The following RIMS1 variants were observed in gnomAD, a reference collection of about 807,000 sequenced individuals.
The protein encoded by RIMS1 is regulating synaptic membrane exocytosis protein 1.
RIMS1 carries 83 observed loss-of-function variants against 214.1 expected under a neutral mutation model. The observed-to-expected ratio is 0.39, with a 90% confidence interval of 0.32 to 0.47. The LOEUF is 0.47. RIMS1 is among the 20% of genes least tolerant of loss of function. RIMS1 has a pLI of 0.99. For synonymous variants in RIMS1, 793 were observed against 786.8 expected (o/e 1.01, Z -0.13); for missense variants, 2,050 against 2,161.8 (o/e 0.95, Z 1.03).
At chr6:72,312,579 A>G (rs1389909875) in intron 27 of RIMS1, among the ~76,000 whole-genome samples, 1 of 152,154 alleles carries the variant, frequency 6.6e-6, no homozygotes, top group Non-Finnish European at 1.5e-5. Context: ...TGAATATCAG[A>G]GACAAATTTA....
chr6:72,284,182 ACT>A, intron 24 of RIMS1, 64 bp downstream of exon 24: 2 of 1,369,712 alleles, frequency 1.5e-6, no homozygotes, highest in Non-Finnish European at 2.1e-6. Flanking sequence ...GGGTGCTGTC[ACT>A]CTCATTTTAC....
intron 2 of RIMS1, among the ~76,000 whole-genome samples, chr6:72,019,390 G>C (rs1273661098): frequency 6.6e-6 from 1 of 152,152 alleles, no homozygotes; most frequent in African/African-American, 2.4e-5. Context: ...CTCAAGTGAG[G>C]ATCAGATAAG....
chr6:72,158,075 A>C (rs2044685231), intron 4 of RIMS1, among the ~76,000 whole-genome samples: 1 of 140,572 alleles, frequency 7.1e-6, no homozygotes, highest in Admixed American at 7.3e-5. Context: ...GTTTGTCATC[A>C]ATATTCATTT....
intron 4 of RIMS1, among the ~76,000 whole-genome samples, chr6:72,170,347 A>T (rs1390049732): frequency 6.6e-6 from 1 of 151,848 alleles, no homozygotes; most frequent in Admixed American, 6.6e-5. Context: ...GGTTTTTTAA[A>T]TTTTTTCTTT....
rs369821730 is a variant in RIMS1 at position 72,013,025 on chromosome 6, T to C, written c.245+43962T>C. ...GTCTCTATGTCTATGTAGGTGACGC[T>C]GTGCAAACCACTACTTTAGTTTTTG... is the stretch of plus-strand genomic sequence containing the variant. On this transcript the variant is annotated intron_variant, in intron 2 of 33. Transcript: ENST00000521978. Among the ~76,000 whole-genome samples, 206 of 152,364 alleles carry C rather than the reference T, an allele frequency of 1.4e-3. 8 individuals are homozygous for C. The South Asian group carries it at 0.041, about 30-fold the overall frequency.
At chr6:72,171,964 A>C (rs2047092199) in intron 4 of RIMS1, among the ~76,000 whole-genome samples, 1 of 152,202 alleles carries the variant, frequency 6.6e-6, no homozygotes, top group African/African-American at 2.4e-5. Flanking sequence ...AAGGATTGCA[A>C]AGGAAGAGAA....
At chr6:72,400,072 TC>T (rs1200509703) in intron 33 of RIMS1, among the ~76,000 whole-genome samples, 28 of 152,254 alleles carry the variant, frequency 1.8e-4, no homozygotes, top group African/African-American at 6.7e-4. Flanking sequence ...GTACATACAT[TC>T]CATGGTATAC....
chr6:72,330,995 A>G (rs2154337928), intron 28 of RIMS1, among the ~76,000 whole-genome samples: 1 of 151,822 alleles, frequency 6.6e-6, no homozygotes, highest in African/African-American at 2.4e-5. Flanking sequence ...TTTTCATATA[A>G]CTTAACCCCC....
intron 26 of RIMS1, among the ~76,000 whole-genome samples, chr6:72,294,085 G>A (rs1219968580): frequency 6.6e-6 from 1 of 151,482 alleles, no homozygotes; most frequent in Non-Finnish European, 1.5e-5. Context: ...TGTTTTTTAT[G>A]ATATAAATAT....
chr6:71,946,288 A>C (rs1787783855), intron 1 of RIMS1, among the ~76,000 whole-genome samples: 1 of 152,180 alleles, frequency 6.6e-6, no homozygotes, highest in South Asian at 2.1e-4. Context: ...CAATTCTAAA[A>C]TCCATATGAA....
intron 19 of RIMS1, chr6:72,263,123 A>G: frequency 1.0e-6 from 1 of 984,206 alleles, no homozygotes; most frequent in Non-Finnish European, 1.2e-6. Context: ...CACCAATAAG[A>G]GTTTTTGTGA....
chr6:71,986,905 G>A (rs1298764257), intron 2 of RIMS1, among the ~76,000 whole-genome samples: 3 of 152,246 alleles, frequency 2.0e-5, no homozygotes, highest in African/African-American at 7.2e-5. Context: ...ACTCTGGGCA[G>A]AATTTGTGTC....
At chr6:72,140,474 T>G (rs1177468158) in intron 4 of RIMS1, among the ~76,000 whole-genome samples, 1 of 152,062 alleles carries the variant, frequency 6.6e-6, no homozygotes, top group Non-Finnish European at 1.5e-5. Flanking sequence ...TTACAAAGCA[T>G]CAGGAAGAGA....
At chr6:72,241,716 C>T (rs368699636) in intron 9 of RIMS1, among the ~76,000 whole-genome samples, 1 of 152,124 alleles carries the variant, frequency 6.6e-6, no homozygotes. Flanking sequence ...TTTACATCTG[C>T]TTGCTTTGTA....
At chr6:72,149,965 A>G (rs1225810620) in intron 4 of RIMS1, among the ~76,000 whole-genome samples, 1 of 152,172 alleles carries the variant, frequency 6.6e-6, no homozygotes, top group Non-Finnish European at 1.5e-5. Flanking sequence ...ACTCATGTTC[A>G]GTGGCTCCCA....
chr6:71,938,140 TG>T (rs1784998320), intron 1 of RIMS1, among the ~76,000 whole-genome samples: 1 of 151,852 alleles, frequency 6.6e-6, no homozygotes, highest in Non-Finnish European at 1.5e-5. Context: ...AACCCAAGAG[TG>T]TAAACAAAAT....
chr6:72,219,544 T>C (rs1307443981), intron 6 of RIMS1, among the ~76,000 whole-genome samples: 2 of 152,142 alleles, frequency 1.3e-5, no homozygotes, highest in Non-Finnish European at 2.9e-5. Flanking sequence ...ACTGTAAACA[T>C]TGAACAAATT....
intron 29 of RIMS1, among the ~76,000 whole-genome samples, chr6:72,381,454 A>G (rs972809392): frequency 6.6e-6 from 1 of 152,242 alleles, no homozygotes; most frequent in Non-Finnish European, 1.5e-5. Context: ...AACAATTTAC[A>G]CGAGTGAGAA....
intron 6 of RIMS1, among the ~76,000 whole-genome samples, chr6:72,222,364 G>A (rs1467862818): frequency 1.3e-5 from 2 of 152,036 alleles, no homozygotes; most frequent in Non-Finnish European, 2.9e-5. Context: ...TGTGTGGGGA[G>A]TATTATGCAA....
Sources: allele counts gnomAD v4.1 joint callset (sites outside exome capture counted in the v4.1 genomes callset), GRCh38; gene constraint gnomAD v4.1.1; transcripts MANE v1.5; gene names NCBI Gene and HGNC (gene_info 2026-07-23, HGNC 2026-07-21).